The following LPP variants were observed in gnomAD, a reference collection of about 807,000 sequenced individuals.
LPP encodes LIM domain containing preferred translocation partner in lipoma.
LPP carries 38 observed loss-of-function variants against 60.4 expected under a neutral mutation model. That is an observed-to-expected ratio of 0.63 (90% CI 0.49 to 0.83). The LOEUF (loss-of-function observed/expected upper bound fraction) is 0.83, where lower values mean the gene tolerates loss of function less well. LPP is among the 40% of genes least tolerant of loss of function. The pLI, the probability that LPP is intolerant of heterozygous loss-of-function variation, is 0.00. For synonymous variants in LPP, 328 were observed against 290.8 expected (o/e 1.13, Z -1.30); for missense variants, 902 against 783.6 (o/e 1.15, Z -1.80).
chr3:188,242,180 A>G (rs150759964), intron 2 of LPP, among the ~76,000 whole-genome samples: 1 of 152,322 alleles, frequency 6.6e-6, no homozygotes, highest in Non-Finnish European at 1.5e-5. Context: ...CAGAGCTTTT[A>G]GACACTCAGC....
chr3:188,240,635 T>G (rs537001361), intron 2 of LPP, among the ~76,000 whole-genome samples: 1 of 152,278 alleles, frequency 6.6e-6, no homozygotes, highest in Non-Finnish European at 1.5e-5. Context: ...GAAACTTTCA[T>G]ATAAAAAAGC....
intron 4 of LPP, among the ~76,000 whole-genome samples, chr3:188,406,815 T>C (rs958864878): frequency 8.5e-5 from 13 of 152,178 alleles, no homozygotes; most frequent in African/African-American, 3.1e-4. Flanking sequence ...GTCTAGAGTG[T>C]TCTGTGAGAT....
chr3:188,812,460 T>G (rs759018092), intron 9 of LPP, among the ~76,000 whole-genome samples: 3 of 152,168 alleles, frequency 2.0e-5, no homozygotes, highest in Non-Finnish European at 2.9e-5. Flanking sequence ...AAGATCTAAA[T>G]GCATACTTTG....
intron 7 of LPP, among the ~76,000 whole-genome samples, chr3:188,621,612 G>A (rs971379739): frequency 8.6e-5 from 13 of 151,976 alleles, no homozygotes; most frequent in Non-Finnish European, 1.3e-4. Flanking sequence ...TCACATCCTA[G>A]TGCGTGTAAC....
intron 8 of LPP, among the ~76,000 whole-genome samples, chr3:188,716,725 T>C (rs1183427622): frequency 6.6e-6 from 1 of 152,238 alleles, no homozygotes; most frequent in African/African-American, 2.4e-5. Context: ...GAAGAAAGTC[T>C]TTGTAAAATT....
chr3:188,485,308 C>A (rs1195582815), intron 5 of LPP, among the ~76,000 whole-genome samples: 2 of 152,134 alleles, frequency 1.3e-5, no homozygotes, highest in Non-Finnish European at 2.9e-5. Flanking sequence ...AGAAGTGGTT[C>A]TCAGACTGTG....
chr3:188,689,981 T>A (rs775707058), intron 7 of LPP, among the ~76,000 whole-genome samples: 22 of 152,002 alleles, frequency 1.4e-4, no homozygotes, highest in Non-Finnish European at 2.9e-4. Context: ...AAGTTGAATA[T>A]CCTTCTCTGA....
chr3:188,168,950 A>G (rs7630086), intron 1 of LPP, among the ~76,000 whole-genome samples: 6,998 of 152,238 alleles, frequency 0.046, 256 homozygotes, highest in African/African-American at 0.11. Context: ...TATCCCCATC[A>G]GTTTGCAAAC....
chr3:188,804,499 A>G (rs1312072034), intron 9 of LPP, among the ~76,000 whole-genome samples: 14 of 151,510 alleles, frequency 9.2e-5, no homozygotes, highest in Non-Finnish European at 1.9e-4. Context: ...AAAAATACCT[A>G]TTGGATACAG....
chr3:188,444,487 G>T (rs1039310072), intron 4 of LPP, among the ~76,000 whole-genome samples: 1 of 152,020 alleles, frequency 6.6e-6, no homozygotes, highest in African/African-American at 2.4e-5. Flanking sequence ...TTTTGTGAAA[G>T]AAAATATATA....
Position 188,524,706 on chromosome 3 carries a change from C to A in LPP, c.348C>A (p.Ser116Arg). Residue 116 changes from serine to arginine, a missense_variant, in exon 6 of 12, where the codon AGC (serine) becomes AGA (arginine). Ser to Arg is a moderately radical substitution (Grantham distance 110, BLOSUM62 -1). Transcript: ENST00000617246. ...GGKTLEERRS[S>R]LDAEIDSLTS... The stretch of plus-strand genomic sequence containing the variant: ...AGACACTTGAGGAGAGGCGCTCCAG[C>A]CTGGACGCTGAGATTGACTCCTTGA... 1.2e-6 allele frequency: 2 copies of A among 1,614,108 alleles called. No individual in the cohort carries two copies. The highest frequency in any genetic ancestry group is 1.7e-6 in the Non-Finnish European group (2 of 1,179,972).
At position 188,626,795 on chromosome 3, in the gene LPP, T is replaced by C. The variant is rs183901964; in HGVS notation, c.1113+16951T>C. On this transcript the variant is annotated intron_variant, in intron 7 of 11. Transcript: ENST00000617246. The stretch of plus-strand genomic sequence containing the variant: ...TATACTAGGGGTTAGGACTTCAACA[T>C]ATTAATTTGAAGGGAGACATGACTC... 1.4e-3 allele frequency among the ~76,000 whole-genome samples: 208 copies of C among 152,274 alleles called. 1 individual carries two copies. The highest frequency in any genetic ancestry group is 4.7e-3 in the African/African-American group (197 of 41,566).
chr3:188,154,381 C>T (rs545958204), intron 1 of LPP, among the ~76,000 whole-genome samples, 129 bp downstream of exon 1: 1 of 152,106 alleles, frequency 6.6e-6, no homozygotes, highest in Non-Finnish European at 1.5e-5. Context: ...TCTGGCCTGG[C>T]CCGCTGTGCG....
chr3:188,885,021 A>G lies in LPP; in HGVS notation c.*10542A>G. On this transcript the variant is annotated 3_prime_UTR_variant, in exon 12 of 12. Coordinates refer to ENST00000617246, the MANE Select transcript of LPP (RefSeq NM_001375462.1). ...ATGTTGTTTTCAAAAAACCTCCTAG[A>G]AAGTCTCCATGTATGCTCTAGAAGT... 1 of 214,020 alleles carries G rather than the reference A, an allele frequency of 4.7e-6. No individual in the cohort carries two copies. The highest frequency in any genetic ancestry group is 7.0e-5 in the East Asian group (1 of 14,336). The allele number at this position is 214,020 out of a possible 1,614,324, so 13.3% of individuals were successfully genotyped here.
At position 188,872,760 on chromosome 3, in the gene LPP, C is replaced by G. The variant is rs776169572; in HGVS notation, c.1707C>G (p.Cys569Trp). ...ATTTCCATGTTCACTGCTACCGATG[C>G]GAGGTCTGGTTGACAGCCCTGCCCT... ...DRDFHVHCYR[C>W]EDCGGLLSEG... is the part of the protein sequence containing the mutation. Residue 569 changes from cysteine (C) to tryptophan (W), a missense_variant, in exon 11 of 12, where the codon TGC becomes TGG. By Grantham distance (215) the Cys-to-Trp change is radical (BLOSUM62 -2). Coordinates refer to ENST00000617246, the MANE Select transcript of LPP (RefSeq NM_001375462.1). 2 of 1,613,808 alleles carry G rather than the reference C, an allele frequency of 1.2e-6. No homozygotes were observed. The highest frequency in any genetic ancestry group is 2.7e-5 in the African/African-American group (2 of 74,904).
chr3:188,662,736 T>C (rs1384467439), intron 7 of LPP, among the ~76,000 whole-genome samples: 1 of 152,262 alleles, frequency 6.6e-6, no homozygotes, highest in Non-Finnish European at 1.5e-5. Flanking sequence ...TAGAGATATG[T>C]GAATCAGCAT....
intron 6 of LPP, among the ~76,000 whole-genome samples, chr3:188,598,571 T>C (rs1292518633): frequency 6.6e-6 from 1 of 152,188 alleles, no homozygotes; most frequent in Non-Finnish European, 1.5e-5. Flanking sequence ...TTAAAATATC[T>C]GTTAACCTTG....
intron 4 of LPP, among the ~76,000 whole-genome samples, chr3:188,449,942 T>C (rs1796205943): frequency 6.6e-6 from 1 of 152,054 alleles, no homozygotes; most frequent in African/African-American, 2.4e-5. Context: ...GTAGCTGGGA[T>C]TACAGGCGTG....
intron 1 of LPP, among the ~76,000 whole-genome samples, chr3:188,201,929 G>A (rs573247791): frequency 6.6e-6 from 1 of 152,030 alleles, no homozygotes; most frequent in South Asian, 2.1e-4. Context: ...TTTGGTGTTG[G>A]GAGTGGAAGG....
Sources: allele counts gnomAD v4.1 joint callset (sites outside exome capture counted in the v4.1 genomes callset), GRCh38; gene constraint gnomAD v4.1.1; transcripts MANE v1.5; gene names NCBI Gene and HGNC (gene_info 2026-07-23, HGNC 2026-07-21).